PROM1: variants seen among roughly 807,000 people sequenced by gnomAD.
The protein encoded by PROM1 is prominin-1.
In PROM1, 105 loss-of-function variants were observed where a neutral mutation model predicts 116.9. The ratio of observed to expected loss-of-function variants is 0.90; its 90% CI spans 0.77 to 1.06. PROM1 has a LOEUF of 1.06. Ranked by LOEUF, PROM1 falls within the 50% of genes least tolerant of loss-of-function variation. PROM1 has a pLI of 0.00. For missense variants in PROM1, 1,122 were observed against 1,045.2 expected, an observed-to-expected ratio of 1.07 and a Z score of -1.01; for synonymous variants, 393 against 387.0, an observed-to-expected ratio of 1.02 and a Z score of -0.18.
intron 3 of PROM1, 107 bp downstream of exon 3, chr4:16,038,839 A>C: frequency 8.8e-7 from 1 of 1,142,518 alleles, no homozygotes; most frequent in Non-Finnish European, 1.2e-6. Flanking sequence ...AAAGATTACT[A>C]AAATTGCAGA....
At chr4:16,051,538 C>T (rs1246417683) in intron 2 of PROM1, among the ~76,000 whole-genome samples, 1 of 152,170 alleles carries the variant, frequency 6.6e-6, no homozygotes, top group African/African-American at 2.4e-5. Flanking sequence ...TCTCTGAGCA[C>T]GGAATGAGTT....
In PROM1 at chr4:15,998,513, C is replaced by T. The variant is rs201165379; in HGVS notation, c.1579-25G>A. On this transcript the variant is annotated intron_variant, in intron 14 of 27. Coordinates refer to ENST00000447510, the MANE Select transcript of PROM1 (RefSeq NM_006017.3). The stretch of plus-strand genomic sequence containing the variant: ...CCTAGAACACATTAGGAAGTATTTT[C>T]GAAAAATCAGTTTTACACTAACATA... The T allele has an allele frequency of 1.6e-4, 252 of 1,546,564 alleles. No individual in the cohort carries two copies. In the African/African-American group the frequency reaches 2.8e-3, roughly 17 times the overall value.
Position 16,000,513 on chromosome 4 carries a change from T to C in PROM1, c.1561A>G (p.Ser521Gly), listed in dbSNP as rs1422886689. 1 of 1,593,070 alleles carries C rather than the reference T, an allele frequency of 6.3e-7. No homozygotes were observed. The highest frequency in any genetic ancestry group is 8.6e-7 in the Non-Finnish European group (1 of 1,162,088). ...ATATTTACCCGGAATAATTCCTTGC[T>C]CGTGTAAGGTTCACAGATCAGTTTT... ...VEKLICEPYT[S>G]KELFRVLDTP... The change falls in exon 14 of 28, where the codon AGC (serine) becomes GGC (glycine). Residue 521 changes from serine (S) to glycine (G), a missense_variant. Transcript: ENST00000447510.
intron 27 of PROM1, among the ~76,000 whole-genome samples, chr4:15,969,875 C>T (rs1713975094): frequency 6.6e-6 from 1 of 152,080 alleles, no homozygotes; most frequent in Admixed American, 6.6e-5. Context: ...CCATGCCCAG[C>T]CAGAAAAAAT....
At chr4:16,076,177 A>G (rs1045116443) in intron 1 of PROM1, 59 bp from the exon 2 acceptor site, 24 of 509,438 alleles carry the variant, frequency 4.7e-5, no homozygotes, top group Admixed American at 7.2e-5. Context: ...CTGCACCTGG[A>G]GCTGCCCGGA....
At chr4:16,068,060 G>A (rs145148169) in intron 2 of PROM1, among the ~76,000 whole-genome samples, 1 of 152,168 alleles carries the variant, frequency 6.6e-6, no homozygotes, top group Non-Finnish European at 1.5e-5. Flanking sequence ...GAGAGGGTAG[G>A]GGAGGAGGCA....
chr4:16,056,368 C>A (rs562437121), intron 2 of PROM1, among the ~76,000 whole-genome samples: 7 of 152,162 alleles, frequency 4.6e-5, no homozygotes, highest in Admixed American at 4.6e-4. Context: ...TGAGAGGGTA[C>A]ACAAGAGTGT....
chr4:15,979,553 T>G, intron 25 of PROM1, 90 bp from the exon 26 acceptor site: 1 of 1,456,686 alleles, frequency 6.9e-7, no homozygotes, highest in Non-Finnish European at 9.1e-7. Context: ...GTAATGGTCA[T>G]GAAAAGTATG....
chr4:16,054,141 A>G (rs1288707936), intron 2 of PROM1, among the ~76,000 whole-genome samples: 1 of 152,182 alleles, frequency 6.6e-6, no homozygotes, highest in African/African-American at 2.4e-5. Flanking sequence ...CCTCCCTTGC[A>G]TTCCATCATC....
In PROM1 at chr4:15,984,336, G is replaced by A. The variant is rs369831677; in HGVS notation, c.2300C>T (p.Ser767Leu). ...IEFSISEKVA[S>L]CKPVATALDT... The stretch of plus-strand genomic sequence containing the variant: ...TAGAGCGGTGGCCACAGGTTTGCAC[G>A]ATGCCACTTTCTCACTGATCTAGGG... Residue 767 changes from serine (S) to leucine (L), a missense_variant, in exon 23 of 28, where the codon TCG (serine) becomes TTG (leucine). Coordinates refer to ENST00000447510, the MANE Select transcript of PROM1 (RefSeq NM_006017.3). The A allele has an allele frequency of 6.9e-6, 11 of 1,595,778 alleles. No homozygotes were observed. Among genetic ancestry groups the A allele is most frequent in the East Asian group, 4.5e-5 (2 of 44,470 alleles).
chr4:16,038,454 G>A (rs1038438226), intron 3 of PROM1, among the ~76,000 whole-genome samples: 7 of 152,154 alleles, frequency 4.6e-5, no homozygotes, highest in Non-Finnish European at 1.0e-4. Flanking sequence ...CCAGGCTGGA[G>A]TACAATGGCA....
rs117992402 is a variant in PROM1 at position 16,073,017 on chromosome 4, A to C, written c.220+2670T>G. 2.4e-3 allele frequency among the ~76,000 whole-genome samples: 364 copies of C among 152,256 alleles called. 5 individuals carry two copies. In the East Asian group the frequency reaches 0.039, roughly 16 times the overall value. ...CCCCTACCCACCAAATTATACTTAA[A>C]AACCCCAATCCCTGAATTTTGGGGG... is the stretch of plus-strand genomic sequence containing the variant. On this transcript the variant is annotated intron_variant, in intron 2 of 27. Transcript: ENST00000447510.
In PROM1 at chr4:15,993,991, T is replaced by C; in HGVS notation, c.1763A>G (p.Asn588Ser). ...SFNISEHLNI[N>S]EHTGSISSEL... is the part of the protein sequence containing the mutation. ...TCCATGACGAGTTCTAATTACCTCATTAATGTTGAGATGTTCACTGATATT... is the reference window on the plus strand; with the variant it reads ...TCCATGACGAGTTCTAATTACCTCACTAATGTTGAGATGTTCACTGATATT... Residue 588 changes from asparagine (N) to serine (S), a missense_variant, in exon 16 of 28, where the codon AAT becomes AGT. Coordinates refer to ENST00000447510, the MANE Select transcript of PROM1 (RefSeq NM_006017.3). 5.0e-6 allele frequency: 8 copies of C among 1,613,780 alleles called. No individual in the cohort carries two copies. In the South Asian group the frequency reaches 7.7e-5, roughly 16 times the overall value.
chr4:15,981,212 C>T (rs553915671), intron 23 of PROM1, among the ~76,000 whole-genome samples: 20 of 150,604 alleles, frequency 1.3e-4, no homozygotes, highest in Non-Finnish European at 2.2e-4. Flanking sequence ...CTGCCCACCT[C>T]GGCCTCCCAA....
Position 15,974,118 on chromosome 4 carries a change from T to TCTC in PROM1, c.2583-3037_2583-3036insGAG, listed in dbSNP as rs1715450315. On this transcript the variant is annotated intron_variant, in intron 26 of 27. Transcript: ENST00000447510. ...ACACAGACACACACACTCTCTCTCT[T>TCTC]TCTCTCTCTCTCTCTCTCTCTCTCT... 9.9e-4 allele frequency among the ~76,000 whole-genome samples: 148 copies of TCTC among 149,474 alleles called. 2 individuals are homozygous for TCTC. Among genetic ancestry groups the TCTC allele is most frequent in the African/African-American group, 3.4e-3 (137 of 40,470 alleles).
intron 3 of PROM1, among the ~76,000 whole-genome samples, chr4:16,038,246 A>G (rs1734375032): frequency 6.6e-6 from 1 of 152,220 alleles, no homozygotes; most frequent in South Asian, 2.1e-4. Flanking sequence ...ACAAATGCAA[A>G]GCTACTTTTT....
chr4:16,038,867 TA>T, intron 3 of PROM1, 78 bp downstream of exon 3: 1 of 1,347,386 alleles, frequency 7.4e-7, no homozygotes, highest in South Asian at 1.6e-5. Flanking sequence ...ACTGGTTATT[TA>T]AAGATTTACT....
At chr4:15,993,203 G>T (rs375004659) in intron 16 of PROM1, among the ~76,000 whole-genome samples, 1 of 152,220 alleles carries the variant, frequency 6.6e-6, no homozygotes, top group Non-Finnish European at 1.5e-5. Flanking sequence ...GCAGCAGTGC[G>T]CAAGCTGTGG....
Position 16,053,147 on chromosome 4 carries a change from G to A in PROM1, c.221-14146C>T, listed in dbSNP as rs186528899. ...TGTAAGAAAATGACCTGAGGTGCAT[G>A]CTGAAGTATTTCACTGTGTGGCAAA... On this transcript the variant is annotated intron_variant, in intron 2 of 27. Transcript: ENST00000447510. Among the ~76,000 whole-genome samples the A allele has an allele frequency of 3.9e-5, 6 of 152,342 alleles. No individual in the cohort carries two copies. In the East Asian group the frequency reaches 1.2e-3, roughly 29 times the overall value.
Sources: gnomAD v4.1 joint callset for allele counts (sites outside exome capture counted in the v4.1 genomes callset) on GRCh38, gnomAD v4.1.1 for gene constraint, MANE v1.5 for transcripts, NCBI Gene and HGNC (gene_info 2026-07-23, HGNC 2026-07-21) for gene names.